CHRM2: variants seen among roughly 807,000 people sequenced by gnomAD.
The protein encoded by CHRM2 is muscarinic acetylcholine receptor M2.
A neutral mutation model predicts 25.0 loss-of-function variants in CHRM2; 8 were observed. The observed-to-expected ratio is 0.32, with a 90% CI of 0.19 to 0.58. The LOEUF (loss-of-function observed/expected upper bound fraction) is 0.58. Ranked by LOEUF, CHRM2 falls within the 20% of genes least tolerant of loss-of-function variation. The pLI, the probability that CHRM2 is intolerant of heterozygous loss-of-function variation, is 0.88. For synonymous variants in CHRM2, 202 were observed against 205.7 expected (o/e 0.98, Z 0.15); for missense variants, 440 against 567.1 (o/e 0.78, Z 2.28).
At chr7:136,874,938 C>CTGAT (rs1795990086) in intron 2 of CHRM2, among the ~76,000 whole-genome samples, 1 of 150,110 alleles carries the variant, frequency 6.7e-6, no homozygotes, top group Non-Finnish European at 1.5e-5. Context: ...GGAGGATAGT[C>CTGAT]TGATAGAATA....
chr7:136,897,327 C>T (rs1796958412), intron 2 of CHRM2, among the ~76,000 whole-genome samples: 1 of 151,978 alleles, frequency 6.6e-6, no homozygotes, highest in Non-Finnish European at 1.5e-5. Context: ...GAGAGATCTG[C>T]ACTAAAAATA....
intron 2 of CHRM2, among the ~76,000 whole-genome samples, chr7:136,937,848 C>T (rs1203532803): frequency 2.0e-5 from 3 of 152,144 alleles, no homozygotes; most frequent in Non-Finnish European, 1.5e-5. Flanking sequence ...AAACAGAACT[C>T]AAATTTTCTT....
chr7:136,912,710 G>T (rs1222841849), intron 2 of CHRM2, among the ~76,000 whole-genome samples: 1 of 151,844 alleles, frequency 6.6e-6, no homozygotes, highest in Non-Finnish European at 1.5e-5. Context: ...AATAAGACTG[G>T]AGCCTAAGAC....
At chr7:137,011,213 GTGTA>G (rs905100212) in intron 3 of CHRM2, among the ~76,000 whole-genome samples, 2 of 115,990 alleles carry the variant, frequency 1.7e-5, no homozygotes, top group African/African-American at 9.7e-5. Flanking sequence ...GTGTGTGTGT[GTGTA>G]TATATATATA....
chr7:136,948,865 G>T (rs1202944528), intron 2 of CHRM2, among the ~76,000 whole-genome samples: 2 of 152,124 alleles, frequency 1.3e-5, no homozygotes, highest in Non-Finnish European at 2.9e-5. Context: ...TCATCTGAGA[G>T]GGAAGCATCC....
At chr7:136,884,534 A>C (rs907227156) in intron 2 of CHRM2, among the ~76,000 whole-genome samples, 2 of 151,698 alleles carry the variant, frequency 1.3e-5, no homozygotes, top group African/African-American at 2.4e-5. Flanking sequence ...TATCAGGGGA[A>C]AGTGGAGAGG....
At chr7:136,968,711 T>C (rs1160391765) in intron 2 of CHRM2, among the ~76,000 whole-genome samples, 1 of 123,722 alleles carries the variant, frequency 8.1e-6, no homozygotes, top group African/African-American at 3.1e-5. Context: ...ATATATATTG[T>C]ATTATCATAA....
chr7:137,000,591 G>GGAAA (rs917139955), intron 3 of CHRM2, among the ~76,000 whole-genome samples: 1 of 148,978 alleles, frequency 6.7e-6, no homozygotes, highest in African/African-American at 2.5e-5. Flanking sequence ...AAGGAAGGAA[G>GGAAA]GGAAAAAAAG....
rs528257075 is a variant in CHRM2, at chr7:136,982,346, T to G, written c.-124-9841T>G. 5.3e-5 allele frequency among the ~76,000 whole-genome samples: 8 copies of G among 152,344 alleles called. No individual in the cohort carries two copies. The East Asian group carries it at 1.5e-3, about 29-fold the overall frequency. On this transcript the variant is annotated intron_variant, in intron 2 of 3. Coordinates refer to ENST00000680005, the MANE Select transcript of CHRM2 (RefSeq NM_001006630.2). ...TTGAGCCTACGTGTGTCTTTGCCCA[T>G]GAGATGGGTCTCCTGAATACAGCAC...
At chr7:136,907,654 T>C (rs1270058055) in intron 2 of CHRM2, among the ~76,000 whole-genome samples, 1 of 151,940 alleles carries the variant, frequency 6.6e-6, no homozygotes, top group Non-Finnish European at 1.5e-5. Context: ...TTCTGTTTTG[T>C]ACACTGTCTC....
intron 2 of CHRM2, among the ~76,000 whole-genome samples, chr7:136,967,653 T>A (rs1801500540): frequency 6.6e-6 from 1 of 152,004 alleles, no homozygotes; most frequent in African/African-American, 2.4e-5. Flanking sequence ...AATGTTTTCA[T>A]TTTTTTCTTT....
intron 2 of CHRM2, among the ~76,000 whole-genome samples, chr7:136,964,379 G>A (rs1201076549): frequency 1.3e-5 from 2 of 152,084 alleles, no homozygotes; most frequent in Non-Finnish European, 2.9e-5. Flanking sequence ...AAATACAGCT[G>A]AAATTTTAAA....
intron 3 of CHRM2, among the ~76,000 whole-genome samples, chr7:137,014,485 G>T (rs1480449413): frequency 6.6e-6 from 1 of 151,920 alleles, no homozygotes; most frequent in Non-Finnish European, 1.5e-5. Context: ...TGTAATTTTG[G>T]TTTATTTAAT....
chr7:136,955,185 C>A (rs1360853577), intron 2 of CHRM2, among the ~76,000 whole-genome samples: 2 of 152,170 alleles, frequency 1.3e-5, no homozygotes, highest in Admixed American at 6.5e-5. Flanking sequence ...CTCCTTCTTT[C>A]TCATGATTTT....
chr7:136,987,067 A>G (rs1218846736), intron 2 of CHRM2, among the ~76,000 whole-genome samples: 2 of 152,102 alleles, frequency 1.3e-5, no homozygotes, highest in Admixed American at 1.3e-4. Context: ...AGAAAATGCA[A>G]CTCTAATGTC....
At chr7:136,919,660 T>C (rs777142667) in intron 2 of CHRM2, among the ~76,000 whole-genome samples, 27 of 152,092 alleles carry the variant, frequency 1.8e-4, no homozygotes, top group Non-Finnish European at 3.2e-4. Context: ...CATGTATAGT[T>C]CCCCCAATGT....
At chr7:136,962,424 T>C (rs324575) in intron 2 of CHRM2, among the ~76,000 whole-genome samples, 139,034 of 152,244 alleles carry the variant, frequency 0.91, 63,992 homozygotes, top group Middle Eastern at 0.98. Context: ...TGTAAGCCAC[T>C]GCGCCCGGCC....
At chr7:136,908,353 T>C (rs1356512810) in intron 2 of CHRM2, among the ~76,000 whole-genome samples, 1 of 151,932 alleles carries the variant, frequency 6.6e-6, no homozygotes, top group Non-Finnish European at 1.5e-5. Context: ...ACCACCTCAA[T>C]ACTTTAGCAT....
rs1289188131 is a variant in CHRM2, at chr7:137,017,813, C to T, written c.*1547C>T. 4.6e-5 allele frequency: 7 copies of T among 151,898 alleles called. No homozygotes were observed. Among genetic ancestry groups the T allele is most frequent in the Non-Finnish European group, 1.0e-4 (7 of 67,896 alleles). The allele number at this position is 151,898 out of a possible 1,614,324, so 9.4% of individuals were successfully genotyped here. A position where few individuals can be genotyped will look rare whatever the true frequency, so the allele number is the denominator to read the frequency against. ...TAGACCATAATAATCATGTCAGGAA[C>T]TATTATCTAAGTGGTGGCATTATAT... is the stretch of plus-strand genomic sequence containing the variant. On this transcript the variant is annotated 3_prime_UTR_variant, in exon 4 of 4. Transcript: ENST00000680005.
Sources: gnomAD v4.1 joint callset for allele counts (sites outside exome capture counted in the v4.1 genomes callset) on GRCh38, gnomAD v4.1.1 for gene constraint, MANE v1.5 for transcripts, NCBI Gene and HGNC (gene_info 2026-07-23, HGNC 2026-07-21) for gene names.